Variants in PSORS1C1 observed in about 807,000 individuals in gnomAD.
The protein encoded by PSORS1C1 is psoriasis susceptibility 1 candidate 1.
PSORS1C1 carries 7 observed loss-of-function variants against 9.4 expected under a neutral mutation model. That is an observed-to-expected ratio of 0.75 (90% confidence interval 0.42 to 1.40). PSORS1C1 has a LOEUF of 1.40. Among genes scored for constraint, PSORS1C1 ranks in the 40% most tolerant of loss-of-function variants. The pLI, the probability that PSORS1C1 is intolerant of heterozygous loss-of-function variation, is 0.01. For synonymous variants in PSORS1C1, 63 were observed against 69.4 expected, an observed-to-expected ratio of 0.91 and a Z score of 0.46; for missense variants, 146 against 178.1, an observed-to-expected ratio of 0.82 and a Z score of 1.02.
At chr6:31,126,215 G>A (rs757973428) in intron 2 of PSORS1C1, among the ~76,000 whole-genome samples, 2 of 152,190 alleles carry the variant, frequency 1.3e-5, no homozygotes, top group African/African-American at 4.8e-5. Flanking sequence ...TATTGGATTA[G>A]CTCCTTTTAT....
At chr6:31,116,654 C>A (rs1487508273) in intron 1 of PSORS1C1, 4 of 1,612,764 alleles carry the variant, frequency 2.5e-6, no homozygotes, top group Non-Finnish European at 3.4e-6. Context: ...AAGTAGCCCA[C>A]AGGGTAGATT....
chr6:31,116,432 T>C lies in PSORS1C1; in HGVS notation c.-229+1541T>C. 1 of 1,590,660 alleles carries C rather than the reference T, an allele frequency of 6.3e-7. No individual in the cohort carries two copies. Among genetic ancestry groups the C allele is most frequent in the Non-Finnish European group, 8.6e-7 (1 of 1,168,412 alleles). ...CTAGAACTGCTGGGGACTCGAGAAC[T>C]GGAGGGAGAGCAGGGTCCCTTGGAG... is the stretch of plus-strand genomic sequence containing the variant. On this transcript the variant is annotated intron_variant, in intron 1 of 5. Coordinates refer to ENST00000259881, the MANE Select transcript of PSORS1C1 (RefSeq NM_014068.3).
At chr6:31,136,631 G>A (rs1005821566) in intron 3 of PSORS1C1, among the ~76,000 whole-genome samples, 35 of 152,086 alleles carry the variant, frequency 2.3e-4, no homozygotes, top group Non-Finnish European at 4.4e-4. Flanking sequence ...CAAGCCATAG[G>A]CCATTAAACA....
intron 2 of PSORS1C1, among the ~76,000 whole-genome samples, chr6:31,127,768 C>T (rs1772746158): frequency 6.6e-6 from 1 of 151,766 alleles, no homozygotes; most frequent in Admixed American, 6.6e-5. Flanking sequence ...GAGCTGAGAT[C>T]GCACCACTGC....
chr6:31,130,975 G>A (rs1772886426), intron 3 of PSORS1C1, among the ~76,000 whole-genome samples: 2 of 151,682 alleles, frequency 1.3e-5, no homozygotes, highest in Admixed American at 1.3e-4. Context: ...TTACAGGTGC[G>A]CCCTACCATG....
chr6:31,129,692 T>C (rs1188301970), intron 3 of PSORS1C1, 47 bp downstream of exon 3: 1 of 779,470 alleles, frequency 1.3e-6, no homozygotes, highest in Non-Finnish European at 2.4e-6. Flanking sequence ...GAAATGGGGC[T>C]AATCATTTGC....
At position 31,115,755 on chromosome 6, in the gene PSORS1C1, G is replaced by A; in HGVS notation, c.-229+864G>A. 1.9e-6 allele frequency: 1 copy of A among 536,364 alleles called. No homozygotes were observed. The highest frequency in any genetic ancestry group is 2.9e-5 in the South Asian group (1 of 34,276). The allele number at this position is 536,364 out of a possible 1,614,324, so 33.2% of individuals were successfully genotyped here. A position where few individuals can be genotyped will look rare whatever the true frequency, so the allele number is the denominator to read the frequency against. ...AGGGAATTGTAAGGGGTGGTGATCT[G>A]GCTGAGGGGCACTGTGGTGGAATGG... is the stretch of plus-strand genomic sequence containing the variant. On this transcript the variant is annotated intron_variant, in intron 1 of 5. Coordinates refer to ENST00000259881, the MANE Select transcript of PSORS1C1 (RefSeq NM_014068.3). The surrounding 1 kb of genome is among the most constrained non-coding windows in gnomAD (Gnocchi z 4.2).
rs1581876472 is a variant in PSORS1C1, at chr6:31,140,081, CTTA to C, written c.*154_*156del. 3 of 728,556 alleles carry C rather than the reference CTTA, an allele frequency of 4.1e-6. No homozygotes were observed. Among genetic ancestry groups the C allele is most frequent in the Non-Finnish European group, 7.0e-6 (3 of 431,458 alleles). 45.1% of individuals were successfully genotyped at this position (728,556 alleles called of 1,614,324 possible). A position where few individuals can be genotyped will look rare whatever the true frequency, so the allele number is the denominator to read the frequency against. On this transcript the variant is annotated 3_prime_UTR_variant, in exon 6 of 6. Transcript: ENST00000259881. This position sits in a 1 kb window ranked among gnomAD's most constrained non-coding sequence, Gnocchi z 4.6. ...TCCGCTACCCCACAGTAAGGAACACCTTATTATGCAATGGCGTGATCTCATCTG... is the reference window on the plus strand; with the variant it reads ...TCCGCTACCCCACAGTAAGGAACACCTTATGCAATGGCGTGATCTCATCTG...
chr6:31,136,425 C>G (rs1180946941), intron 3 of PSORS1C1, among the ~76,000 whole-genome samples: 2 of 151,026 alleles, frequency 1.3e-5, no homozygotes, highest in Non-Finnish European at 3.0e-5. Flanking sequence ...GAAAATGAAT[C>G]TCTTAATGAG....
At chr6:31,117,348 A>G in intron 1 of PSORS1C1, 2 of 1,578,490 alleles carry the variant, frequency 1.3e-6, no homozygotes, top group Non-Finnish European at 1.7e-6. Context: ...TGGAGCTACC[A>G]CTGGAGCCAC....
intron 1 of PSORS1C1, chr6:31,116,007 C>T (rs1281438652): frequency 2.6e-6 from 4 of 1,565,604 alleles, no homozygotes; most frequent in Non-Finnish European, 3.4e-6. Context: ...GGCATGCACA[C>T]ACACAACAGT....
At position 31,138,437 on chromosome 6, in the gene PSORS1C1, A is replaced by C; in HGVS notation, c.21A>C (p.Lys7Asn). MTCTDQKSHSQRALGTQ... is the reference protein window; with the variant it reads MTCTDQNSHSQRALGTQ... ...GAACTGACCCACAAACAGACCAAAA[A>C]AGTCACTCTCAAAGAGCTCTCGGTA... Residue 7 changes from lysine to asparagine, a missense_variant, in exon 4 of 6, where the codon AAA (lysine) becomes AAC (asparagine). Coordinates refer to ENST00000259881, the MANE Select transcript of PSORS1C1 (RefSeq NM_014068.3). 1.9e-6 allele frequency: 3 copies of C among 1,612,522 alleles called. No individual in the cohort carries two copies. Among genetic ancestry groups the C allele is most frequent in the Non-Finnish European group, 1.7e-6 (2 of 1,179,874 alleles).
rs1307766279 is a variant in PSORS1C1 at position 31,138,800 on chromosome 6, C to T, written c.167+21C>T. ...TTCTGGTGAGAGCCAAATGCACCTT[C>T]TGCACCATGTCCCCCACCCAATGTG... On this transcript the variant is annotated intron_variant, in intron 5 of 5. Coordinates refer to ENST00000259881, the MANE Select transcript of PSORS1C1 (RefSeq NM_014068.3). 5 of 1,613,978 alleles carry T rather than the reference C, an allele frequency of 3.1e-6. No individual in the cohort carries two copies. In the Admixed American group the frequency reaches 5.0e-5, roughly 16 times the overall value.
At chr6:31,134,230 C>T (rs1474044881) in intron 3 of PSORS1C1, among the ~76,000 whole-genome samples, 1 of 152,020 alleles carries the variant, frequency 6.6e-6, no homozygotes, top group Non-Finnish European at 1.5e-5. Flanking sequence ...ATCCACCCGC[C>T]TCAGCCTCCC....
Position 31,115,744 on chromosome 6 carries a change from G to A in PSORS1C1, c.-229+853G>A. ...CCACACAGTAGAGGGAATTGTAAGG[G>A]GTGGTGATCTGGCTGAGGGGCACTG... On this transcript the variant is annotated intron_variant, in intron 1 of 5. Transcript: ENST00000259881. This position sits in a 1 kb window ranked among gnomAD's most constrained non-coding sequence, Gnocchi z 4.2. 1 of 516,010 alleles carries A rather than the reference G, an allele frequency of 1.9e-6. No homozygotes were observed. Among genetic ancestry groups the A allele is most frequent in the Non-Finnish European group, 3.4e-6 (1 of 290,850 alleles). 32.0% of individuals were successfully genotyped at this position (516,010 alleles called of 1,614,324 possible). A position where few individuals can be genotyped will look rare whatever the true frequency, so the allele number is the denominator to read the frequency against.
rs190490609 is a variant in PSORS1C1, at chr6:31,123,699, G to A, written c.-228-1977G>A. Among the ~76,000 whole-genome samples the A allele has an allele frequency of 3.4e-3, 516 of 152,280 alleles. 1 individual carries two copies. The highest frequency in any genetic ancestry group is 0.01 in the African/African-American group (417 of 41,560). On this transcript the variant is annotated intron_variant, in intron 1 of 5. Transcript: ENST00000259881. ...AAGCAGGCAGGTCACTGTCCCCTCT[G>A]GTCCCCTCCACCCCTCCAGCAGCCC...
rs1332353534 is a variant in PSORS1C1 at position 31,139,997 on chromosome 6, T to C, written c.*65T>C. 5 of 1,462,834 alleles carry C rather than the reference T, an allele frequency of 3.4e-6. No individual in the cohort carries two copies. The South Asian group carries it at 3.6e-5, about 11-fold the overall frequency. The allele number at this position is 1,462,834 out of a possible 1,614,324, so 90.6% of individuals were successfully genotyped here. A position where few individuals can be genotyped will look rare whatever the true frequency, so the allele number is the denominator to read the frequency against. On this transcript the variant is annotated 3_prime_UTR_variant, in exon 6 of 6. Transcript: ENST00000259881. The surrounding 1 kb of genome is among the most constrained non-coding windows in gnomAD (Gnocchi z 5.2). ...CTTTCTGCCTGGAAGTCTGTTAGCC[T>C]TTCAGAAGTAACATGTCCAAAATAA...
At chr6:31,118,329 G>C (rs1371885396) in intron 1 of PSORS1C1, 2 of 152,486 alleles carry the variant, frequency 1.3e-5, no homozygotes, top group Non-Finnish European at 2.9e-5. Flanking sequence ...GTAAAGCTGG[G>C]TGGGGGCCAG....
In PSORS1C1 at chr6:31,126,858, C is replaced by G. The variant is rs372547814; in HGVS notation, c.-65+1019C>G. ...CAGCTGTAGGGCAGTCGCTCCCTGG[C>G]CGAAGCCTTCCTGGCTGTTTCCGTC... On this transcript the variant is annotated intron_variant, in intron 2 of 5. Transcript: ENST00000259881. 6.3e-4 allele frequency among the ~76,000 whole-genome samples: 94 copies of G among 149,972 alleles called. No individual in the cohort carries two copies. In the East Asian group the frequency reaches 8.3e-3, roughly 13 times the overall value.
Sources: gnomAD v4.1 joint callset for allele counts (sites outside exome capture counted in the v4.1 genomes callset) on GRCh38, gnomAD v4.1.1 for gene constraint, Gnocchi (gnomAD v3.1) non-coding constraint, MANE v1.5 for transcripts, NCBI Gene and HGNC (gene_info 2026-07-23, HGNC 2026-07-21) for gene names.